CEBPA: variants seen among roughly 807,000 people sequenced by gnomAD.
The protein encoded by CEBPA is CCAAT enhancer binding protein alpha.
A neutral mutation model predicts 5.1 loss-of-function variants in CEBPA; 2 were observed. The ratio of observed to expected loss-of-function variants is 0.39; its 90% CI spans 0.16 to 1.23. The LOEUF is 1.23. Ranked by LOEUF, CEBPA falls within the 50% of genes most tolerant of loss-of-function variation. The probability of loss-of-function intolerance (pLI) is 0.34; values close to 1 mark genes in which losing one functional copy is unlikely to be tolerated. For missense variants in CEBPA, 455 were observed against 537.4 expected (o/e 0.85, Z 1.52); for synonymous variants, 275 against 264.1 (o/e 1.04, Z -0.40).
chr19:33,300,957 G>A lies in CEBPA; in HGVS notation c.*381C>T. 1 of 317,426 alleles carries A rather than the reference G, an allele frequency of 3.2e-6. No homozygotes were observed. Among genetic ancestry groups the A allele is most frequent in the East Asian group, 4.8e-5 (1 of 21,030 alleles). The allele number at this position is 317,426 out of a possible 1,614,324, so 19.7% of individuals were successfully genotyped here. A position where few individuals can be genotyped will look rare whatever the true frequency, so the allele number is the denominator to read the frequency against. The stretch of plus-strand genomic sequence containing the variant: ...TCTCATGGGGGTCTGCTGTAGCCTC[G>A]GGAAGGAGGCAGGAAACCTCCAAAT... On this transcript the variant is annotated 3_prime_UTR_variant, in exon 1 of 1. Transcript: ENST00000498907.
Position 33,300,858 on chromosome 19 carries a change from G to A in CEBPA, c.*480C>T. 1 of 254,178 alleles carries A rather than the reference G, an allele frequency of 3.9e-6. No individual in the cohort carries two copies. Among genetic ancestry groups the A allele is most frequent in the Non-Finnish European group, 7.7e-6 (1 of 129,456 alleles). 15.7% of individuals were successfully genotyped at this position (254,178 alleles called of 1,614,324 possible). ...TTCTAAGGACAGGCGTGGAGGAGCG[G>A]CTGGGGCTGGCGGGCTTGTCGGGAT... On this transcript the variant is annotated 3_prime_UTR_variant, in exon 1 of 1. Transcript: ENST00000498907.
At position 33,301,848 on chromosome 19, in the gene CEBPA, G is replaced by GGGTGGCGGC; in HGVS notation, c.566_567insGCCGCCACC (p.Pro187_Pro189dup). On this transcript the variant is annotated inframe_insertion, in exon 1 of 1. Transcript: ENST00000498907. This position sits in a 1 kb window ranked among gnomAD's most constrained non-coding sequence, Gnocchi z 6.0. ...GCGGCGGGTGCGGGTGCGGGTGCGA[G>GGGTGGCGGC]GGCGGCGGCGGCGGCGGCGGCTGGT... 1 of 1,310,858 alleles carries GGGTGGCGGC rather than the reference G, an allele frequency of 7.6e-7. No homozygotes were observed. Among genetic ancestry groups the GGGTGGCGGC allele is most frequent in the Non-Finnish European group, 9.7e-7 (1 of 1,026,300 alleles). The allele number at this position is 1,310,858 out of a possible 1,614,324, so 81.2% of individuals were successfully genotyped here.
Position 33,300,703 on chromosome 19 carries a change from A to G in CEBPA, c.*635T>C, listed in dbSNP as rs1719604381. ...TCCGCCCCAAGGGGAAGCCCAGCCT[A>G]TAGCAGGCTGGGGTGGGGTGTGTGC... On this transcript the variant is annotated 3_prime_UTR_variant, in exon 1 of 1. Transcript: ENST00000498907. The G allele has an allele frequency of 8.6e-6, 2 of 233,880 alleles. No individual in the cohort carries two copies. The highest frequency in any genetic ancestry group is 1.3e-3 in the Middle Eastern group (1 of 786). 14.5% of individuals were successfully genotyped at this position (233,880 alleles called of 1,614,324 possible). A position where few individuals can be genotyped will look rare whatever the true frequency, so the allele number is the denominator to read the frequency against.
rs755401672 is a variant in CEBPA at position 33,301,621 on chromosome 19, G to A, written c.794C>T (p.Ala265Val). The change falls in exon 1 of 1, where the codon GCG (alanine) becomes GTG (valine). Residue 265 changes from alanine (A) to valine (V), a missense_variant. By Grantham distance (64) the Ala-to-Val change is moderately conservative. Coordinates refer to ENST00000498907, the MANE Select transcript of CEBPA (RefSeq NM_004364.5). The surrounding 1 kb of genome is among the most constrained non-coding windows in gnomAD (Gnocchi z 6.0). The stretch of plus-strand genomic sequence containing the variant: ...CTTGCCCGCGCCGCTGCCGCCACTC[G>A]CGCGGAGGTCGGGGTGCGCGGCGCC... The part of the protein sequence containing the change: ...GLGAAHPDLR[A>V]SGGSGAGKAK... 1.0e-5 allele frequency: 16 copies of A among 1,589,174 alleles called. No homozygotes were observed. The highest frequency in any genetic ancestry group is 1.3e-5 in the Non-Finnish European group (15 of 1,170,912).
rs1269033726 is a variant in CEBPA at position 33,302,088 on chromosome 19, C to T, written c.327G>A (p.Pro109=). 3 of 1,300,188 alleles carry T rather than the reference C, an allele frequency of 2.3e-6. No homozygotes were observed. Among genetic ancestry groups the T allele is most frequent in the Non-Finnish European group, 2.9e-6 (3 of 1,018,276 alleles). The allele number at this position is 1,300,188 out of a possible 1,614,324, so 80.5% of individuals were successfully genotyped here. A position where few individuals can be genotyped will look rare whatever the true frequency, so the allele number is the denominator to read the frequency against. Residue 109 remains proline (P), a synonymous_variant, in exon 1 of 1, where the codon CCG becomes CCA. Coordinates refer to ENST00000498907, the MANE Select transcript of CEBPA (RefSeq NM_004364.5). ...GGGGGGDFDY[P]GAPAGPGGAV... ...CGCCGCCGGGGCCCGCGGGCGCGCC[C>T]GGGTAGTCAAAGTCGCCGCCGCCGC...
rs1446956221 is a variant in CEBPA at position 33,302,475 on chromosome 19, TCGC to T, written c.-64_-62del. 2 of 1,114,606 alleles carry T rather than the reference TCGC, an allele frequency of 1.8e-6. No homozygotes were observed. Among genetic ancestry groups the T allele is most frequent in the African/African-American group, 1.6e-5 (1 of 61,228 alleles). The allele number at this position is 1,114,606 out of a possible 1,614,324, so 69.0% of individuals were successfully genotyped here. ...GGCGGCCTCCAGCCTGCGCGGGGCG[TCGC>T]CGCCGCCCACCCGGAGACCCTGCTC... On this transcript the variant is annotated 5_prime_UTR_variant, in exon 1 of 1. Coordinates refer to ENST00000498907, the MANE Select transcript of CEBPA (RefSeq NM_004364.5).
chr19:33,301,296 C>G lies in CEBPA; in HGVS notation c.*42G>C. The G allele has an allele frequency of 1.3e-6, 2 of 1,541,272 alleles. No individual in the cohort carries two copies. Among genetic ancestry groups the G allele is most frequent in the Non-Finnish European group, 1.7e-6 (2 of 1,148,414 alleles). On this transcript the variant is annotated 3_prime_UTR_variant, in exon 1 of 1. Transcript: ENST00000498907. This position sits in a 1 kb window ranked among gnomAD's most constrained non-coding sequence, Gnocchi z 6.0. Reference sequence around the variant, plus strand: ...GCGACCCCAAACCACTCCCTGGGTCCCCGCCGGAGGCTGGCCCAGGGCGGT... The same window carrying G: ...GCGACCCCAAACCACTCCCTGGGTCGCCGCCGGAGGCTGGCCCAGGGCGGT...
Position 33,300,008 on chromosome 19 carries a change from G to A in CEBPA, c.*1330C>T, listed in dbSNP as rs1482871078. ...GTGAGACTCTACGTTCTCCCCAAAA[G>A]AAGAGAACCAAGCCGTCCTTCCCTG... On this transcript the variant is annotated 3_prime_UTR_variant, in exon 1 of 1. Transcript: ENST00000498907. The A allele has an allele frequency of 8.6e-6, 2 of 233,188 alleles. No homozygotes were observed. Among genetic ancestry groups the A allele is most frequent in the Non-Finnish European group, 1.7e-5 (2 of 118,044 alleles). The allele number at this position is 233,188 out of a possible 1,614,324, so 14.4% of individuals were successfully genotyped here. A position where few individuals can be genotyped will look rare whatever the true frequency, so the allele number is the denominator to read the frequency against.
In CEBPA at chr19:33,301,235, C is replaced by A. The variant is rs1213332323; in HGVS notation, c.*103G>T. 39 of 1,471,774 alleles carry A rather than the reference C, an allele frequency of 2.6e-5. No homozygotes were observed. In the South Asian group the frequency reaches 4.4e-4, roughly 17 times the overall value. The allele number at this position is 1,471,774 out of a possible 1,614,324, so 91.2% of individuals were successfully genotyped here. A position where few individuals can be genotyped will look rare whatever the true frequency, so the allele number is the denominator to read the frequency against. ...TCAGGAGGCACCGGAATCTCCTAGTCCTGGCTCGCACGGCTCGGGCAAGCC... is the reference window on the plus strand; with the variant it reads ...TCAGGAGGCACCGGAATCTCCTAGTACTGGCTCGCACGGCTCGGGCAAGCC... On this transcript the variant is annotated 3_prime_UTR_variant, in exon 1 of 1. Coordinates refer to ENST00000498907, the MANE Select transcript of CEBPA (RefSeq NM_004364.5). The surrounding 1 kb of genome is among the most constrained non-coding windows in gnomAD (Gnocchi z 6.0).
At position 33,300,251 on chromosome 19, in the gene CEBPA, C is replaced by A. The variant is rs1967119465; in HGVS notation, c.*1087G>T. ...CTCAGACCCTTCCCCCAGCTGCCGA[C>A]GGAGAGTCTCATTTTGGCAAGTATC... is the stretch of plus-strand genomic sequence containing the variant. On this transcript the variant is annotated 3_prime_UTR_variant, in exon 1 of 1. Coordinates refer to ENST00000498907, the MANE Select transcript of CEBPA (RefSeq NM_004364.5). 4.3e-6 allele frequency: 1 copy of A among 233,732 alleles called. No homozygotes were observed. The highest frequency in any genetic ancestry group is 8.5e-6 in the Non-Finnish European group (1 of 118,068). 14.5% of individuals were successfully genotyped at this position (233,732 alleles called of 1,614,324 possible). A position where few individuals can be genotyped will look rare whatever the true frequency, so the allele number is the denominator to read the frequency against.
chr19:33,301,337 C>G lies in CEBPA; in HGVS notation c.*1G>C. 2 of 1,592,166 alleles carry G rather than the reference C, an allele frequency of 1.3e-6. No individual in the cohort carries two copies. Among genetic ancestry groups the G allele is most frequent in the Non-Finnish European group, 1.7e-6 (2 of 1,174,540 alleles). On this transcript the variant is annotated 3_prime_UTR_variant, in exon 1 of 1. Coordinates refer to ENST00000498907, the MANE Select transcript of CEBPA (RefSeq NM_004364.5). This position sits in a 1 kb window ranked among gnomAD's most constrained non-coding sequence, Gnocchi z 6.0. ...CCAGGGCGGTCCCACAGCCGCGCGC[C>G]TCACGCGCAGTTGCCCATGGCCTTG...
rs1411268642 is a variant in CEBPA, at chr19:33,302,528, C to A, written c.-114G>T. On this transcript the variant is annotated 5_prime_UTR_variant, in exon 1 of 1. Coordinates refer to ENST00000498907, the MANE Select transcript of CEBPA (RefSeq NM_004364.5). ...CGCCCGCGCCCGCGCACCTCCGGGT[C>A]GCGAATGGCCCGGCCCGCGCCGGCC... 2.4e-5 allele frequency: 14 copies of A among 571,432 alleles called. No homozygotes were observed. Among genetic ancestry groups the A allele is most frequent in the East Asian group, 1.1e-4 (3 of 26,732 alleles). 35.4% of individuals were successfully genotyped at this position (571,432 alleles called of 1,614,324 possible). A position where few individuals can be genotyped will look rare whatever the true frequency, so the allele number is the denominator to read the frequency against.
At position 33,300,113 on chromosome 19, in the gene CEBPA, G is replaced by A. The variant is rs1270772314; in HGVS notation, c.*1225C>T. The A allele has an allele frequency of 4.3e-6, 1 of 233,310 alleles. No homozygotes were observed. The highest frequency in any genetic ancestry group is 6.0e-5 in the East Asian group (1 of 16,664). 14.5% of individuals were successfully genotyped at this position (233,310 alleles called of 1,614,324 possible). On this transcript the variant is annotated 3_prime_UTR_variant, in exon 1 of 1. Coordinates refer to ENST00000498907, the MANE Select transcript of CEBPA (RefSeq NM_004364.5). ...CCAGGGCCTCTGGGGGACAAGCCTT[G>A]TGGGCAGCCCAGGCCGGAGGGGCTG...
rs2145261883 is a variant in CEBPA, at chr19:33,301,946, G to C, written c.469C>G (p.Pro157Ala). The C allele has an allele frequency of 8.2e-7, 1 of 1,219,140 alleles. No homozygotes were observed. Among genetic ancestry groups the C allele is most frequent in the African/African-American group, 1.6e-5 (1 of 61,884 alleles). 75.5% of individuals were successfully genotyped at this position (1,219,140 alleles called of 1,614,324 possible). Residue 157 changes from proline (P) to alanine (A), a missense_variant, in exon 1 of 1, where the codon CCG becomes GCG. By Grantham distance (27) the Pro-to-Ala change is conservative. This residue lies in a region of CEBPA where 141 missense variants were observed against 124.1 expected (regional missense o/e 1.14). Transcript: ENST00000498907. This position sits in a 1 kb window ranked among gnomAD's most constrained non-coding sequence, Gnocchi z 6.0. ...YERVGAPALR[P>A]LVIKQEPREE... ...CGGGGCTCCTGCTTGATCACCAGCG[G>C]CCGCAGCGCCGGCGCCCCGACGCGC...
rs1444506221 is a variant in CEBPA at position 33,302,275 on chromosome 19, G to A, written c.140C>T (p.Ala47Val). 1 of 1,484,878 alleles carries A rather than the reference G, an allele frequency of 6.7e-7. No homozygotes were observed. The highest frequency in any genetic ancestry group is 2.3e-5 in the Admixed American group (1 of 43,844). The allele number at this position is 1,484,878 out of a possible 1,614,324, so 92.0% of individuals were successfully genotyped here. Reference protein sequence around the residue: ...AGPAQPPAPPAAPEPLGGICE... With the variant: ...AGPAQPPAPPVAPEPLGGICE... ...GATGCCGCCCAGCGGCTCCGGGGCG[G>A]CAGGTGGGGCGGGAGGCTGCGCGGG... Residue 47 changes from alanine to valine, a missense_variant, in exon 1 of 1, where the codon GCC (alanine) becomes GTC (valine). By Grantham distance (64) the Ala-to-Val change is moderately conservative. This residue lies in a region of CEBPA where 143 missense variants were observed against 153.9 expected (regional missense o/e 0.93). Coordinates refer to ENST00000498907, the MANE Select transcript of CEBPA (RefSeq NM_004364.5).
rs1967209837 is a variant in CEBPA at position 33,302,489 on chromosome 19, C to T, written c.-75G>A. On this transcript the variant is annotated 5_prime_UTR_variant, in exon 1 of 1. Transcript: ENST00000498907. The stretch of plus-strand genomic sequence containing the variant: ...TGCGCGGGGCGTCGCCGCCGCCCAC[C>T]CGGAGACCCTGCTCGCCCGCGCCCG... The T allele has an allele frequency of 3.0e-6, 3 of 1,008,864 alleles. No homozygotes were observed. Among genetic ancestry groups the T allele is most frequent in the Non-Finnish European group, 3.8e-6 (3 of 784,930 alleles). The allele number at this position is 1,008,864 out of a possible 1,614,324, so 62.5% of individuals were successfully genotyped here.
rs1265798915 is a variant in CEBPA, at chr19:33,302,007, G to C, written c.408C>G (p.Ala136=). The C allele has an allele frequency of 3.4e-6, 4 of 1,182,624 alleles. No individual in the cohort carries two copies. Among genetic ancestry groups the C allele is most frequent in the Non-Finnish European group, 4.2e-6 (4 of 954,988 alleles). The allele number at this position is 1,182,624 out of a possible 1,614,324, so 73.3% of individuals were successfully genotyped here. A position where few individuals can be genotyped will look rare whatever the true frequency, so the allele number is the denominator to read the frequency against. ...GCTCCAGCCTGCCGTCCAGGTAGCC[G>C]GCGGCCGCGCAGCCGTAGCCGGGCG... ...GPPPGYGCAA[A]GYLDGRLEPL... The change falls in exon 1 of 1, where the codon GCC becomes GCG. Residue 136 remains alanine (A), a synonymous_variant. Coordinates refer to ENST00000498907, the MANE Select transcript of CEBPA (RefSeq NM_004364.5).
chr19:33,301,326 C>G lies in CEBPA; in HGVS notation c.*12G>C, dbSNP rs1226495133. 1.3e-6 allele frequency: 2 copies of G among 1,581,890 alleles called. No individual in the cohort carries two copies. Among genetic ancestry groups the G allele is most frequent in the South Asian group, 1.1e-5 (1 of 88,816 alleles). On this transcript the variant is annotated 3_prime_UTR_variant, in exon 1 of 1. Coordinates refer to ENST00000498907, the MANE Select transcript of CEBPA (RefSeq NM_004364.5). The surrounding 1 kb of genome is among the most constrained non-coding windows in gnomAD (Gnocchi z 6.0). ...CGGAGGCTGGCCCAGGGCGGTCCCACAGCCGCGCGCCTCACGCGCAGTTGC... is the reference window on the plus strand; with the variant it reads ...CGGAGGCTGGCCCAGGGCGGTCCCAGAGCCGCGCGCCTCACGCGCAGTTGC...
chr19:33,301,848 G>A lies in CEBPA; in HGVS notation c.567C>T (p.Pro189=), dbSNP rs2145261321. The A allele has an allele frequency of 1.5e-6, 2 of 1,310,858 alleles. No individual in the cohort carries two copies. The highest frequency in any genetic ancestry group is 9.7e-7 in the Non-Finnish European group (1 of 1,026,300). The allele number at this position is 1,310,858 out of a possible 1,614,324, so 81.2% of individuals were successfully genotyped here. A position where few individuals can be genotyped will look rare whatever the true frequency, so the allele number is the denominator to read the frequency against. The stretch of plus-strand genomic sequence containing the variant: ...GCGGCGGGTGCGGGTGCGGGTGCGA[G>A]GGCGGCGGCGGCGGCGGCGGCTGGT... ...FPYQPPPPPP[P]SHPHPHPPPA... Residue 189 remains proline (P), a synonymous_variant, in exon 1 of 1, where the codon CCC becomes CCT. Transcript: ENST00000498907. The surrounding 1 kb of genome is among the most constrained non-coding windows in gnomAD (Gnocchi z 6.0).
Sources: gnomAD v4.1 joint callset for allele counts on GRCh38, gnomAD v4.1.1 for gene constraint, gnomAD v4.1.1 regional missense constraint, Gnocchi (gnomAD v3.1) non-coding constraint, MANE v1.5 for transcripts, NCBI Gene and HGNC (gene_info 2026-07-23, HGNC 2026-07-21) for gene names.